Variants in WWP1 observed in about 807,000 individuals in gnomAD.
The protein encoded by WWP1 is WW domain containing E3 ubiquitin protein ligase 1, also known as NEDD4-like E3 ubiquitin-protein ligase WWP1.
WWP1 carries 49 observed loss-of-function variants against 130.6 expected under a neutral mutation model. That is an observed-to-expected ratio of 0.38 (90% CI 0.30 to 0.48). The LOEUF (loss-of-function observed/expected upper bound fraction) is 0.48. Ranked by LOEUF, WWP1 falls within the 20% of genes least tolerant of loss-of-function variation. The pLI is 0.99. For synonymous variants in WWP1, 332 were observed against 367.8 expected, an observed-to-expected ratio of 0.90 and a Z score of 1.11; for missense variants, 809 against 1,100.6, an observed-to-expected ratio of 0.74 and a Z score of 3.75.
chr8:86,351,505 G>GTT (rs74366305), intron 1 of WWP1, among the ~76,000 whole-genome samples: 12 of 141,352 alleles, frequency 8.5e-5, no homozygotes, highest in Admixed American at 1.4e-4. Flanking sequence ...TGCTCAGCTA[G>GTT]TTTTTTTTTT....
chr8:86,424,204 A>G (rs1809442448), intron 9 of WWP1, among the ~76,000 whole-genome samples: 1 of 149,220 alleles, frequency 6.7e-6, no homozygotes, highest in Admixed American at 6.7e-5. Flanking sequence ...CACATCCCAG[A>G]CGGGGCGGCG....
At chr8:86,399,242 T>C (rs1471889809) in intron 7 of WWP1, among the ~76,000 whole-genome samples, 1 of 152,230 alleles carries the variant, frequency 6.6e-6, no homozygotes, top group Non-Finnish European at 1.5e-5. Flanking sequence ...GGATTGGCAT[T>C]ATCCTGTAAA....
intron 24 of WWP1, among the ~76,000 whole-genome samples, chr8:86,464,348 ACT>A (rs1364682583): frequency 2.0e-5 from 3 of 152,146 alleles, no homozygotes; most frequent in Admixed American, 6.5e-5. Context: ...AAACAAAATC[ACT>A]CTTTCCACTA....
chr8:86,361,974 G>A (rs1250939795), intron 1 of WWP1, among the ~76,000 whole-genome samples: 17 of 127,614 alleles, frequency 1.3e-4, no homozygotes, highest in African/African-American at 3.9e-4. Flanking sequence ...GTGTGTGTGT[G>A]TATATATATA....
At chr8:86,362,341 G>A (rs6471295) in intron 1 of WWP1, among the ~76,000 whole-genome samples, 21,926 of 150,450 alleles carry the variant, frequency 0.15, 1,749 homozygotes, top group Non-Finnish European at 0.19. Flanking sequence ...ATTTTTCAGG[G>A]AGAGAATGGA....
At chr8:86,377,244 CCTGT>C (rs1258442695) in intron 3 of WWP1, among the ~76,000 whole-genome samples, 2 of 140,982 alleles carry the variant, frequency 1.4e-5, no homozygotes, top group African/African-American at 2.8e-5. Flanking sequence ...TGCCAGCATT[CCTGT>C]CTAATTTTTT....
chr8:86,390,952 A>G (rs1007426857), intron 5 of WWP1, among the ~76,000 whole-genome samples: 1 of 151,982 alleles, frequency 6.6e-6, no homozygotes, highest in Non-Finnish European at 1.5e-5. Flanking sequence ...CTTTTCTGAT[A>G]TATTTGGGGT....
intron 8 of WWP1, chr8:86,404,997 A>G (rs1164017870): frequency 2.0e-5 from 3 of 152,214 alleles, no homozygotes; most frequent in Admixed American, 6.5e-5. Context: ...TGACAAAACA[A>G]TCTAACTGTC....
chr8:86,405,509 A>G (rs145979506), intron 8 of WWP1, among the ~76,000 whole-genome samples: 1 of 152,156 alleles, frequency 6.6e-6, no homozygotes, highest in African/African-American at 2.4e-5. Flanking sequence ...ATAGTGTAAT[A>G]TACAATATAT....
chr8:86,395,844 T>G (rs552638481), intron 5 of WWP1, among the ~76,000 whole-genome samples: 1 of 152,238 alleles, frequency 6.6e-6, no homozygotes, highest in South Asian at 2.1e-4. Context: ...TAGTCTGTCT[T>G]TTGAGGATGA....
chr8:86,424,636 C>T (rs552851251), intron 9 of WWP1, among the ~76,000 whole-genome samples: 7 of 151,900 alleles, frequency 4.6e-5, no homozygotes, highest in South Asian at 4.2e-4. Context: ...AACCCCGTCT[C>T]CACCAAAAAA....
intron 1 of WWP1, among the ~76,000 whole-genome samples, chr8:86,367,413 C>A (rs1466791211): frequency 1.3e-5 from 2 of 152,134 alleles, no homozygotes; most frequent in Non-Finnish European, 2.9e-5. Flanking sequence ...CTTTCTTTCA[C>A]AATTTTGCTT....
At position 86,452,588 on chromosome 8, in the gene WWP1, G is replaced by T; in HGVS notation, c.2303G>T (p.Gly768Val). The change falls in exon 21 of 25, where the codon GGA becomes GTA. Residue 768 changes from glycine to valine, a missense_variant. This residue lies in a region of WWP1 where 450 missense variants were observed against 674.2 expected (regional missense o/e 0.67). Coordinates refer to ENST00000517970, the MANE Select transcript of WWP1 (RefSeq NM_007013.4). ...GLMTEWRFSR[G>V]VQEQTKAFLD... ...ATGACAGAATGGCGTTTTTCTCGAG[G>T]AGTACAAGAACAGACCAAAGCTTTC... 2 of 1,605,032 alleles carry T rather than the reference G, an allele frequency of 1.2e-6. No homozygotes were observed. The highest frequency in any genetic ancestry group is 1.7e-6 in the Non-Finnish European group (2 of 1,176,296).
intron 20 of WWP1, among the ~76,000 whole-genome samples, chr8:86,449,684 C>T (rs1461383109): frequency 6.6e-6 from 1 of 152,210 alleles, no homozygotes; most frequent in African/African-American, 2.4e-5. Context: ...CTAGATATTG[C>T]CTCCTACTGA....
chr8:86,436,937 CTAT>C (rs1810318786), intron 16 of WWP1, among the ~76,000 whole-genome samples: 1 of 148,894 alleles, frequency 6.7e-6, no homozygotes, highest in Non-Finnish European at 1.5e-5. Context: ...GATACTTAAA[CTAT>C]TATCAAGTTG....
At chr8:86,441,911 A>G (rs1036157661) in intron 17 of WWP1, among the ~76,000 whole-genome samples, 1 of 152,212 alleles carries the variant, frequency 6.6e-6, no homozygotes, top group Admixed American at 6.5e-5. Flanking sequence ...GATTGGGTTT[A>G]TCTTGTAATA....
At chr8:86,394,180 G>A (rs1807516253) in intron 5 of WWP1, among the ~76,000 whole-genome samples, 1 of 152,234 alleles carries the variant, frequency 6.6e-6, no homozygotes. Flanking sequence ...ATGTGGCTCT[G>A]AGCTAAATAG....
chr8:86,377,483 G>T (rs1467927839), intron 3 of WWP1, among the ~76,000 whole-genome samples: 1 of 151,856 alleles, frequency 6.6e-6, no homozygotes, highest in East Asian at 1.9e-4. Flanking sequence ...GTAAACCGAG[G>T]TTCTCTGCCC....
At chr8:86,354,745 A>G (rs1823156979) in intron 1 of WWP1, among the ~76,000 whole-genome samples, 1 of 152,066 alleles carries the variant, frequency 6.6e-6, no homozygotes, top group Admixed American at 6.5e-5. Flanking sequence ...GGCTTTCTTT[A>G]CCTACTTTTC....
Sources: gnomAD v4.1 joint callset for allele counts (sites outside exome capture counted in the v4.1 genomes callset) on GRCh38, gnomAD v4.1.1 for gene constraint, gnomAD v4.1.1 regional missense constraint, MANE v1.5 for transcripts, NCBI Gene and HGNC (gene_info 2026-07-23, HGNC 2026-07-21) for gene names.